The following ATP6V1A variants were observed in gnomAD, a reference collection of about 807,000 sequenced individuals.
ATP6V1A encodes V-type proton ATPase catalytic subunit A.
In ATP6V1A, 18 loss-of-function variants were observed where a neutral mutation model predicts 70.1. The observed-to-expected ratio is 0.26, with a 90% CI of 0.18 to 0.38. The LOEUF is 0.38. Ranked by LOEUF, ATP6V1A falls within the 10% of genes least tolerant of loss-of-function variation. The probability of loss-of-function intolerance (pLI) is 1.00; values close to 1 mark genes in which losing one functional copy is unlikely to be tolerated. For synonymous variants in ATP6V1A, 232 were observed against 253.8 expected (o/e 0.91, Z 0.82); for missense variants, 424 against 772.4 (o/e 0.55, Z 5.35).
intron 1 of ATP6V1A, among the ~76,000 whole-genome samples, chr3:113,777,310 A>G (rs1708925454): frequency 6.6e-6 from 1 of 152,254 alleles, no homozygotes; most frequent in Admixed American, 6.5e-5. Flanking sequence ...AAATTTAAAG[A>G]TAGGTAATAA....
Position 113,770,178 on chromosome 3 carries a change from A to G in ATP6V1A, c.-13-8563A>G, listed in dbSNP as rs1474854250. 2.6e-5 allele frequency among the ~76,000 whole-genome samples: 4 copies of G among 152,128 alleles called. No individual in the cohort carries two copies. The East Asian group carries it at 7.8e-4, about 30-fold the overall frequency. Reference sequence around the variant, plus strand: ...TTTCTCCTCCTCCAGCCTCCCAAGTAGCTGGGACTACAGTTTTGCATCACC... The same window carrying G: ...TTTCTCCTCCTCCAGCCTCCCAAGTGGCTGGGACTACAGTTTTGCATCACC... On this transcript the variant is annotated intron_variant, in intron 1 of 14. Transcript: ENST00000273398.
At chr3:113,748,073 C>A (rs1022648038) in intron 1 of ATP6V1A, among the ~76,000 whole-genome samples, 12 of 152,176 alleles carry the variant, frequency 7.9e-5, no homozygotes, top group African/African-American at 2.9e-4. Flanking sequence ...CCAATCTATT[C>A]CTTGATCGGC....
At chr3:113,763,268 T>C (rs1708727166) in intron 1 of ATP6V1A, among the ~76,000 whole-genome samples, 1 of 152,172 alleles carries the variant, frequency 6.6e-6, no homozygotes. Flanking sequence ...TTTGTATTTT[T>C]AGTAGAGACG....
intron 7 of ATP6V1A, among the ~76,000 whole-genome samples, chr3:113,789,244 C>T (rs1427455015): frequency 6.6e-6 from 1 of 151,942 alleles, no homozygotes; most frequent in Non-Finnish European, 1.5e-5. Flanking sequence ...ACGGGGTTTC[C>T]ACCATGTTGG....
intron 3 of ATP6V1A, among the ~76,000 whole-genome samples, chr3:113,781,811 C>A (rs1370415776): frequency 6.6e-6 from 1 of 152,116 alleles, no homozygotes; most frequent in Non-Finnish European, 1.5e-5. Flanking sequence ...AACAGAATAA[C>A]AATATTGACT....
chr3:113,777,871 A>G (rs1413403660), intron 1 of ATP6V1A, among the ~76,000 whole-genome samples: 2 of 152,204 alleles, frequency 1.3e-5, no homozygotes, highest in African/African-American at 4.8e-5. Flanking sequence ...GAGAGCTGAC[A>G]AAGAGTTCAG....
chr3:113,802,874 G>C (rs1709231188), intron 12 of ATP6V1A: 1 of 151,580 alleles, frequency 6.6e-6, no homozygotes, highest in African/African-American at 2.4e-5. Context: ...TGTTGCCCAA[G>C]CTGGTCTCTC....
At chr3:113,748,318 G>A (rs1708547057) in intron 1 of ATP6V1A, among the ~76,000 whole-genome samples, 2 of 152,156 alleles carry the variant, frequency 1.3e-5, no homozygotes, top group South Asian at 4.1e-4. Context: ...ATGTTTTTCA[G>A]TTTGTGGTTA....
chr3:113,765,106 A>G (rs1455933978), intron 1 of ATP6V1A, among the ~76,000 whole-genome samples: 1 of 151,324 alleles, frequency 6.6e-6, no homozygotes, highest in East Asian at 1.9e-4. Flanking sequence ...TCTGTTCTCT[A>G]TTTTTAATAG....
intron 12 of ATP6V1A, among the ~76,000 whole-genome samples, chr3:113,803,025 A>G (rs1709232582): frequency 6.6e-6 from 1 of 152,186 alleles, no homozygotes; most frequent in African/African-American, 2.4e-5. Context: ...ATGTCCATCT[A>G]TGGATGAATC....
At chr3:113,756,600 A>G (rs952810560) in intron 1 of ATP6V1A, among the ~76,000 whole-genome samples, 4 of 152,228 alleles carry the variant, frequency 2.6e-5, no homozygotes, top group Non-Finnish European at 5.9e-5. Context: ...AATTAATGTA[A>G]CAATGTCAGT....
chr3:113,798,191 T>C, intron 11 of ATP6V1A, 52 bp from the exon 12 acceptor site: 1 of 1,584,938 alleles, frequency 6.3e-7, no homozygotes, highest in Non-Finnish European at 8.7e-7. Flanking sequence ...ATTTTTTAAC[T>C]TTGTTTTTTG....
intron 1 of ATP6V1A, among the ~76,000 whole-genome samples, chr3:113,752,462 T>C (rs1470684220): frequency 6.6e-6 from 1 of 151,970 alleles, no homozygotes; most frequent in Non-Finnish European, 1.5e-5. Flanking sequence ...TTACTATACC[T>C]TCTGTATATT....
At chr3:113,799,470 C>G (rs959786562) in intron 12 of ATP6V1A, among the ~76,000 whole-genome samples, 1 of 152,178 alleles carries the variant, frequency 6.6e-6, no homozygotes, top group Non-Finnish European at 1.5e-5. Context: ...AACCACTTTA[C>G]TTACTGGAGA....
intron 2 of ATP6V1A, among the ~76,000 whole-genome samples, chr3:113,779,398 A>G (rs1397059014): frequency 3.9e-5 from 6 of 152,224 alleles, no homozygotes; most frequent in Non-Finnish European, 8.8e-5. Flanking sequence ...TTTTTAAATA[A>G]TAAATCTTAC....
chr3:113,790,018 C>T (rs969522719), intron 8 of ATP6V1A, among the ~76,000 whole-genome samples, 178 bp downstream of exon 8: 1 of 152,016 alleles, frequency 6.6e-6, no homozygotes, highest in African/African-American at 2.4e-5. Context: ...GCCTGTGGTC[C>T]CAGTACTTTG....
chr3:113,807,352 G>A (rs890581158), intron 14 of ATP6V1A, among the ~76,000 whole-genome samples: 1 of 151,332 alleles, frequency 6.6e-6, no homozygotes, highest in African/African-American at 2.4e-5. Flanking sequence ...GCTAATTTTT[G>A]TATTTTTAGT....
chr3:113,793,051 G>GT (rs1298702396), intron 8 of ATP6V1A, among the ~76,000 whole-genome samples: 119 of 150,600 alleles, frequency 7.9e-4, no homozygotes, highest in South Asian at 4.6e-3. Flanking sequence ...GTTTTTTGTT[G>GT]TTTTTTTTTG....
intron 1 of ATP6V1A, among the ~76,000 whole-genome samples, chr3:113,776,525 A>G (rs1274150315): frequency 6.6e-6 from 1 of 152,196 alleles, no homozygotes; most frequent in African/African-American, 2.4e-5. Flanking sequence ...TTTGCTATAT[A>G]GCTATTTAAA....
Sources: allele counts gnomAD v4.1 joint callset (sites outside exome capture counted in the v4.1 genomes callset), GRCh38; gene constraint gnomAD v4.1.1; transcripts MANE v1.5; gene names NCBI Gene and HGNC (gene_info 2026-07-23, HGNC 2026-07-21).